Variants in LVRN observed in about 807,000 individuals in gnomAD.
LVRN encodes laeverin, also known as aminopeptidase Q.
Under a neutral mutation model 111.4 loss-of-function variants are expected in LVRN, and 99 were observed. The observed-to-expected ratio is 0.89, with a 90% CI of 0.76 to 1.05. The LOEUF (loss-of-function observed/expected upper bound fraction) is 1.05. Ranked by LOEUF, LVRN falls within the 50% of genes least tolerant of loss-of-function variation. LVRN has a pLI of 0.00. For synonymous variants in LVRN, 488 were observed against 449.5 expected, an observed-to-expected ratio of 1.09 and a Z score of -1.08; for missense variants, 1,414 against 1,206.8, an observed-to-expected ratio of 1.17 and a Z score of -2.54.
rs1291577364 is a variant in LVRN at position 116,015,659 on chromosome 5, T to C, written c.2650T>C (p.Phe884Leu). ...GGAGTATGCCATCAGCACATCTCCA[T>C]TCACTTCTAATGAAACAAATATAAT... The part of the protein sequence containing the change: ...YMEYAISTSP[F>L]TSNETNIIEV... The change falls in exon 18 of 20, where the codon TTC becomes CTC. Residue 884 changes from phenylalanine to leucine, a missense_variant. Transcript: ENST00000357872. 9.3e-6 allele frequency: 15 copies of C among 1,613,150 alleles called. No individual in the cohort carries two copies. Among genetic ancestry groups the C allele is most frequent in the Non-Finnish European group, 1.3e-5 (15 of 1,179,500 alleles).
chr5:116,000,954 G>A (rs1220567936), intron 9 of LVRN, 113 bp from the exon 10 acceptor site: 5 of 1,210,808 alleles, frequency 4.1e-6, no homozygotes, highest in Non-Finnish European at 5.8e-6. Flanking sequence ...CCCACTGCAG[G>A]ACTACTACAT....
rs1753127517 is a variant in LVRN, at chr5:115,963,190, G to C, written c.573G>C (p.Glu191Asp). 8 of 1,612,812 alleles carry C rather than the reference G, an allele frequency of 5.0e-6. No homozygotes were observed. Among genetic ancestry groups the C allele is most frequent in the Non-Finnish European group, 6.8e-6 (8 of 1,179,758 alleles). ...TGGACACGGAATACATGGTGCTGGA[G>C]CTCAGTGAGCCCCTGAAACCTGGTA... is the stretch of plus-strand genomic sequence containing the variant. ...FALDTEYMVL[E>D]LSEPLKPGSS... The change falls in exon 1 of 20, where the codon GAG becomes GAC. Residue 191 changes from glutamate to aspartate, a missense_variant. Transcript: ENST00000357872.
intron 1 of LVRN, chr5:115,975,469 C>T (rs762176087): frequency 5.5e-6 from 1 of 181,796 alleles, no homozygotes; most frequent in Non-Finnish European, 1.1e-5. Context: ...CCTGAGTGGG[C>T]ATAAGGACTA....
intron 1 of LVRN, among the ~76,000 whole-genome samples, chr5:115,966,330 T>C (rs6877705): frequency 0.24 from 36,217 of 152,188 alleles, 5,024 homozygotes; most frequent in Non-Finnish European, 0.31. Flanking sequence ...TAGACCTTTC[T>C]GACTCAGCAT....
intron 7 of LVRN, among the ~76,000 whole-genome samples, chr5:116,000,179 C>T (rs1434092350): frequency 6.6e-6 from 1 of 152,156 alleles, no homozygotes; most frequent in Admixed American, 6.5e-5. Flanking sequence ...TTTATTCTTG[C>T]TATGTAAAGA....
At position 115,979,459 on chromosome 5, in the gene LVRN, A is replaced by T. The variant is rs554148540; in HGVS notation, c.696-3828A>T. 5.9e-5 allele frequency among the ~76,000 whole-genome samples: 9 copies of T among 152,096 alleles called. No individual in the cohort carries two copies. In the South Asian group the frequency reaches 6.3e-4, roughly 11 times the overall value. On this transcript the variant is annotated intron_variant, in intron 1 of 19. Coordinates refer to ENST00000357872, the MANE Select transcript of LVRN (RefSeq NM_173800.5). The stretch of plus-strand genomic sequence containing the variant: ...ATGCTTCCCCCTCCCCTCCATCAAG[A>T]GATAGCTTCTCCAATCTCTTTTGTC...
At chr5:115,990,294 T>A (rs2112581419) in intron 4 of LVRN, among the ~76,000 whole-genome samples, 1 of 152,330 alleles carries the variant, frequency 6.6e-6, no homozygotes, top group South Asian at 2.1e-4. Flanking sequence ...CCTATACCAA[T>A]ATTAATTATT....
chr5:116,004,551 G>A (rs1414242434), intron 12 of LVRN, among the ~76,000 whole-genome samples: 1 of 152,142 alleles, frequency 6.6e-6, no homozygotes, highest in African/African-American at 2.4e-5. Context: ...TTGTGTTCCT[G>A]TTTTGTTCAT....
Position 116,002,916 on chromosome 5 carries a change from G to C in LVRN, c.1897+5G>C. The C allele has an allele frequency of 6.3e-7, 1 of 1,586,460 alleles. No individual in the cohort carries two copies. The highest frequency in any genetic ancestry group is 8.6e-7 in the Non-Finnish European group (1 of 1,159,686). ...TCTGGCTAGATCAAAGCAGCAGTAA[G>C]TAACAAATTTTAAAAACATCTTTAT... On this transcript the variant is annotated splice_donor_5th_base_variant and intron_variant, in intron 11 of 19. Transcript: ENST00000357872.
intron 6 of LVRN, among the ~76,000 whole-genome samples, chr5:115,998,180 T>C (rs951979894): frequency 6.6e-6 from 1 of 152,238 alleles, no homozygotes; most frequent in African/African-American, 2.4e-5. Context: ...TATGCAGCTA[T>C]GTATTTATAT....
chr5:116,002,861 G>T lies in LVRN; in HGVS notation c.1847G>T (p.Trp616Leu). 6.2e-7 allele frequency: 1 copy of T among 1,610,124 alleles called. No homozygotes were observed. Among genetic ancestry groups the T allele is most frequent in the Non-Finnish European group, 8.5e-7 (1 of 1,177,568 alleles). Residue 616 changes from tryptophan to leucine, a missense_variant, in exon 11 of 20, where the codon TGG (tryptophan) becomes TTG (leucine). Physicochemically the swap from Trp to Leu is moderately conservative, Grantham distance 61. Coordinates refer to ENST00000357872, the MANE Select transcript of LVRN (RefSeq NM_173800.5). ...GACACATGGATTGTCCCTATTCTTTGGATAAAAAATGGAACTACACAACCT... is the reference window on the plus strand; with the variant it reads ...GACACATGGATTGTCCCTATTCTTTTGATAAAAAATGGAACTACACAACCT... ...SNDTWIVPIL[W>L]IKNGTTQPLV...
chr5:115,987,420 C>G (rs185788557), intron 3 of LVRN, among the ~76,000 whole-genome samples: 28 of 152,168 alleles, frequency 1.8e-4, no homozygotes, highest in African/African-American at 6.5e-4. Context: ...TATATAACCC[C>G]CACTCACAGT....
At chr5:115,989,820 T>C (rs145225727) in intron 4 of LVRN, among the ~76,000 whole-genome samples, 286 of 152,290 alleles carry the variant, frequency 1.9e-3, no homozygotes, top group African/African-American at 6.6e-3. Flanking sequence ...TGATAGGTGA[T>C]TAAGATAAAG....
chr5:115,970,055 C>G (rs1007522175), intron 1 of LVRN, among the ~76,000 whole-genome samples: 6 of 151,912 alleles, frequency 3.9e-5, no homozygotes, highest in African/African-American at 1.5e-4. Flanking sequence ...ATTTTTAAAA[C>G]AGCTTTATTA....
intron 17 of LVRN, 33 bp from the exon 18 acceptor site, chr5:116,015,595 T>G: frequency 6.3e-7 from 1 of 1,583,892 alleles, no homozygotes; most frequent in Non-Finnish European, 8.6e-7. Context: ...GTTGGATGTT[T>G]AAAATGTATT....
intron 10 of LVRN, 85 bp downstream of exon 10, chr5:116,001,324 G>GTTAC: frequency 1.4e-6 from 2 of 1,456,766 alleles, no homozygotes; most frequent in South Asian, 2.4e-5. Flanking sequence ...GTGAAGAAGC[G>GTTAC]TTACCCCCGC....
At chr5:115,978,653 A>G (rs1753496540) in intron 1 of LVRN, among the ~76,000 whole-genome samples, 1 of 151,844 alleles carries the variant, frequency 6.6e-6, no homozygotes, top group South Asian at 2.1e-4. Context: ...TCCCACCTCC[A>G]TTTTTCTCCC....
intron 19 of LVRN, among the ~76,000 whole-genome samples, chr5:116,025,074 A>G (rs960496981): frequency 2.0e-5 from 3 of 151,864 alleles, no homozygotes; most frequent in African/African-American, 4.8e-5. Context: ...CCCTCCCACC[A>G]CTACAGGAGC....
At chr5:116,023,294 T>G (rs1748795549) in intron 19 of LVRN, 1 of 152,270 alleles carries the variant, frequency 6.6e-6, no homozygotes, top group African/African-American at 2.4e-5. Context: ...GTTTTGTCTA[T>G]TCTAGGTTCC....
Sources: gnomAD v4.1 joint callset for allele counts (sites outside exome capture counted in the v4.1 genomes callset) on GRCh38, gnomAD v4.1.1 for gene constraint, MANE v1.5 for transcripts, NCBI Gene and HGNC (gene_info 2026-07-23, HGNC 2026-07-21) for gene names.